Variants in ZFHX3 observed in about 807,000 individuals in gnomAD.
ZFHX3 encodes zinc finger homeobox 3.
A neutral mutation model predicts 279.1 loss-of-function variants in ZFHX3; 42 were observed. The ratio of observed to expected loss-of-function variants is 0.15; its 90% confidence interval spans 0.12 to 0.19. The LOEUF is 0.19. Ranked by LOEUF, ZFHX3 falls within the 10% of genes least tolerant of loss-of-function variation. ZFHX3 has a pLI of 1.00. For synonymous variants in ZFHX3, 2,293 were observed against 1,957.8 expected (o/e 1.17, Z -4.52); for missense variants, 4,981 against 4,754.0 (o/e 1.05, Z -1.40).
At chr16:73,404,681 G>A (rs972321752) in intron 3 of ZFHX3, among the ~76,000 whole-genome samples, 9 of 152,074 alleles carry the variant, frequency 5.9e-5, no homozygotes, top group African/African-American at 1.2e-4. Context: ...AAAAAGGCAA[G>A]TACTATTATT....
chr16:73,512,429 A>G (rs952563368), intron 2 of ZFHX3, among the ~76,000 whole-genome samples: 1 of 147,234 alleles, frequency 6.8e-6, no homozygotes, highest in African/African-American at 2.5e-5. Context: ...GCCTGGCAAC[A>G]GAGCGAGACT....
intron 1 of ZFHX3, among the ~76,000 whole-genome samples, chr16:72,970,230 A>G (rs1339282062): frequency 6.6e-6 from 1 of 151,676 alleles, no homozygotes; most frequent in Admixed American, 6.6e-5. Flanking sequence ...TTTTTACTAT[A>G]TATGTAAACA....
chr16:72,821,754 A>G (rs1248735055), intron 5 of ZFHX3, among the ~76,000 whole-genome samples: 1 of 152,198 alleles, frequency 6.6e-6, no homozygotes, highest in Non-Finnish European at 1.5e-5. Flanking sequence ...CTGTCTACAC[A>G]TGGTTTCTGT....
rs558822229 is a variant in ZFHX3, at chr16:72,903,146, C to T, written c.3217-13184G>A. Among the ~76,000 whole-genome samples the T allele has an allele frequency of 6.6e-5, 10 of 152,184 alleles. 1 individual carries two copies. Among genetic ancestry groups the T allele is most frequent in the African/African-American group, 1.2e-4 (5 of 41,520 alleles). ...GGCCGCTGTGCATTTGTTCCTGCTGCGAGAGTTCGAGGAGGGTGCCCACTG... is the reference window on the plus strand; with the variant it reads ...GGCCGCTGTGCATTTGTTCCTGCTGTGAGAGTTCGAGGAGGGTGCCCACTG... On this transcript the variant is annotated intron_variant, in intron 3 of 9. Transcript: ENST00000268489.
chr16:73,398,333 C>G lies in ZFHX3; in HGVS notation c.-1291+57670G>C, dbSNP rs2017172980. On this transcript the variant is annotated intron_variant, in intron 3 of 17. Transcript: ENST00000641206. Reference sequence around the variant, plus strand: ...GAGGAGAAGACCAGGGAAAAAGTGTCTAGCAGACATTTAGGCATCTTCTCA... The same window carrying G: ...GAGGAGAAGACCAGGGAAAAAGTGTGTAGCAGACATTTAGGCATCTTCTCA... Among the ~76,000 whole-genome samples the G allele has an allele frequency of 2.0e-5, 3 of 152,154 alleles. No individual in the cohort carries two copies. The South Asian group carries it at 6.2e-4, about 32-fold the overall frequency.
At chr16:73,300,556 T>A (rs2015029878) in intron 4 of ZFHX3, among the ~76,000 whole-genome samples, 1 of 152,032 alleles carries the variant, frequency 6.6e-6, no homozygotes, top group Non-Finnish European at 1.5e-5. Context: ...CAGGCTGGAA[T>A]GCAATGGTGT....
chr16:73,854,102 A>C (rs1961657913), intron 1 of ZFHX3, among the ~76,000 whole-genome samples: 1 of 152,226 alleles, frequency 6.6e-6, no homozygotes, highest in African/African-American at 2.4e-5. Context: ...GTATATAAGT[A>C]GATATTTTCC....
chr16:73,139,108 C>G (rs927191284), intron 6 of ZFHX3, among the ~76,000 whole-genome samples: 5 of 152,204 alleles, frequency 3.3e-5, no homozygotes, highest in African/African-American at 9.6e-5. Flanking sequence ...TGAGACGAGA[C>G]AGATTCACTA....
At chr16:73,768,226 T>C (rs1214785452) in intron 1 of ZFHX3, among the ~76,000 whole-genome samples, 1 of 152,112 alleles carries the variant, frequency 6.6e-6, no homozygotes, top group East Asian at 1.9e-4. Flanking sequence ...GGGACTTTTC[T>C]CCCATTTGTC....
intron 1 of ZFHX3, among the ~76,000 whole-genome samples, chr16:73,788,474 G>A (rs1440189204): frequency 6.6e-6 from 1 of 152,154 alleles, no homozygotes; most frequent in African/African-American, 2.4e-5. Flanking sequence ...ATTATACAAA[G>A]TGACTTCACA....
intron 2 of ZFHX3, among the ~76,000 whole-genome samples, chr16:73,573,366 G>A (rs1013332790): frequency 6.6e-6 from 1 of 152,110 alleles, no homozygotes; most frequent in African/African-American, 2.4e-5. Context: ...TTTCTCCTGC[G>A]CTGTTCTGGG....
At chr16:73,057,535 CAAA>C (rs60945619) in intron 1 of ZFHX3, among the ~76,000 whole-genome samples, 40 of 125,230 alleles carry the variant, frequency 3.2e-4, no homozygotes, top group Non-Finnish European at 3.9e-4. Flanking sequence ...TTCGCGAGAG[CAAA>C]AAAAAAAAAA....
At chr16:73,427,318 C>T (rs111549439) in intron 3 of ZFHX3, among the ~76,000 whole-genome samples, 1 of 152,088 alleles carries the variant, frequency 6.6e-6, no homozygotes, top group African/African-American at 2.4e-5. Context: ...ATCCCATTCA[C>T]CATCATTCTG....
intron 6 of ZFHX3, among the ~76,000 whole-genome samples, chr16:73,137,982 C>T (rs1278726524): frequency 6.6e-6 from 1 of 152,108 alleles, no homozygotes; most frequent in African/African-American, 2.4e-5. Flanking sequence ...TGCTTGTCAT[C>T]GGAGAAAATC....
intron 4 of ZFHX3, among the ~76,000 whole-genome samples, chr16:73,280,320 T>C (rs546079181): frequency 7.2e-5 from 11 of 152,212 alleles, no homozygotes; most frequent in African/African-American, 2.6e-4. Context: ...AGGTAACCTA[T>C]AGAATGGGAG....
rs147107485 is a variant in ZFHX3 at position 73,619,487 on chromosome 16, CAA to C, written c.-1547+60691_-1547+60692del. On this transcript the variant is annotated intron_variant, in intron 2 of 17. Transcript: ENST00000641206. ...TGGGTGACAGAGCGATACTGTGTCT[CAA>C]AAAAAAAAAATTATATATATATATA... Among the ~76,000 whole-genome samples, 246 of 136,454 alleles carry C rather than the reference CAA, an allele frequency of 1.8e-3. 5 individuals carry two copies. In the South Asian group the frequency reaches 0.03, roughly 17 times the overall value. 89.5% of individuals were successfully genotyped at this position (136,454 alleles called of 152,430 possible). A position where few individuals can be genotyped will look rare whatever the true frequency, so the allele number is the denominator to read the frequency against.
intron 1 of ZFHX3, among the ~76,000 whole-genome samples, chr16:72,989,474 T>C (rs1364115248): frequency 6.9e-6 from 1 of 145,550 alleles, no homozygotes. Context: ...AGACACTCTG[T>C]CTCAAAAAAA....
At chr16:72,821,534 C>T (rs139889885) in intron 5 of ZFHX3, among the ~76,000 whole-genome samples, 1 of 152,210 alleles carries the variant, frequency 6.6e-6, no homozygotes, top group Non-Finnish European at 1.5e-5. Context: ...CCTTCAGGTA[C>T]TCCTCAGGAA....
At chr16:73,478,389 C>G (rs116854519) in intron 2 of ZFHX3, among the ~76,000 whole-genome samples, 32 of 152,052 alleles carry the variant, frequency 2.1e-4, no homozygotes, top group Non-Finnish European at 3.1e-4. Context: ...GCTATCCAGG[C>G]TTCTTCCCTG....
Sources: gnomAD v4.1 joint callset for allele counts (sites outside exome capture counted in the v4.1 genomes callset) on GRCh38, gnomAD v4.1.1 for gene constraint, MANE v1.5 for transcripts, NCBI Gene and HGNC (gene_info 2026-07-23, HGNC 2026-07-21) for gene names.